The following AKAP6 variants were observed in gnomAD, a reference collection of about 807,000 sequenced individuals.
AKAP6 encodes the protein A-kinase anchoring protein 6.
A neutral mutation model predicts 188.5 loss-of-function variants in AKAP6; 58 were observed. That is an observed-to-expected ratio of 0.31 (90% confidence interval 0.25 to 0.38). AKAP6 has a LOEUF of 0.38. AKAP6 is among the 10% of genes least tolerant of loss of function. The pLI, the probability that AKAP6 is intolerant of heterozygous loss-of-function variation, is 1.00. For missense variants in AKAP6, 2,710 were observed against 2,740.0 expected (o/e 0.99, Z 0.24); for synonymous variants, 989 against 998.6 (o/e 0.99, Z 0.18).
intron 2 of AKAP6, among the ~76,000 whole-genome samples, chr14:32,462,692 C>T (rs530369445): frequency 9.2e-5 from 14 of 152,022 alleles, no homozygotes; most frequent in Non-Finnish European, 1.5e-4. Flanking sequence ...AACCAGCTAG[C>T]GTCATGATGA....
At chr14:32,809,463 C>G (rs532789001) in intron 12 of AKAP6, among the ~76,000 whole-genome samples, 1 of 152,192 alleles carries the variant, frequency 6.6e-6, no homozygotes, top group East Asian at 1.9e-4. Context: ...ACCCAGCAAG[C>G]CTCCTTATTG....
At chr14:32,398,280 G>A (rs1566482431) in intron 1 of AKAP6, among the ~76,000 whole-genome samples, 1 of 152,234 alleles carries the variant, frequency 6.6e-6, no homozygotes, top group Non-Finnish European at 1.5e-5. Flanking sequence ...AGGAAATTGT[G>A]TGTGTGGGGC....
chr14:32,800,366 C>T (rs974745795), intron 12 of AKAP6, among the ~76,000 whole-genome samples: 1 of 151,522 alleles, frequency 6.6e-6, no homozygotes, highest in Non-Finnish European at 1.5e-5. Flanking sequence ...CCTACCATTG[C>T]AGTCCAGCCT....
intron 11 of AKAP6, among the ~76,000 whole-genome samples, chr14:32,746,948 C>T (rs1232521267): frequency 6.6e-6 from 1 of 152,046 alleles, no homozygotes; most frequent in South Asian, 2.1e-4. Flanking sequence ...AAAAGGATTT[C>T]AAATTAACAA....
chr14:32,360,390 G>A (rs1193575102), intron 1 of AKAP6, among the ~76,000 whole-genome samples: 2 of 152,122 alleles, frequency 1.3e-5, no homozygotes, highest in South Asian at 4.1e-4. Flanking sequence ...GCCTCTCAAA[G>A]TGCTGGGATT....
chr14:32,676,305 ATTG>A (rs1042251534), intron 7 of AKAP6, among the ~76,000 whole-genome samples: 11 of 152,032 alleles, frequency 7.2e-5, no homozygotes, highest in African/African-American at 2.7e-4. Context: ...TGTGTTTCTG[ATTG>A]TTGACTCTTT....
intron 7 of AKAP6, among the ~76,000 whole-genome samples, chr14:32,628,480 T>C (rs1310045751): frequency 6.6e-6 from 1 of 152,098 alleles, no homozygotes; most frequent in Non-Finnish European, 1.5e-5. Context: ...AGTCTTCTAT[T>C]AGAATTAGGG....
intron 2 of AKAP6, among the ~76,000 whole-genome samples, chr14:32,511,844 C>A (rs1424946775): frequency 6.6e-6 from 1 of 152,024 alleles, no homozygotes; most frequent in Non-Finnish European, 1.5e-5. Flanking sequence ...AAAATTTTAT[C>A]TTTAATAGTG....
chr14:32,644,798 T>C lies in AKAP6; in HGVS notation c.2731-33513T>C, dbSNP rs113469899. 5.1e-3 allele frequency among the ~76,000 whole-genome samples: 778 copies of C among 152,308 alleles called. 12 individuals are homozygous for C. Among genetic ancestry groups the C allele is most frequent in the African/African-American group, 0.017 (725 of 41,578 alleles). Reference sequence around the variant, plus strand: ...ATTTATTTTTGTCCTTCTCAATTAATGTCCCTGATTGCATTCACAAAGAGC... The same window carrying C: ...ATTTATTTTTGTCCTTCTCAATTAACGTCCCTGATTGCATTCACAAAGAGC... On this transcript the variant is annotated intron_variant, in intron 7 of 13. Coordinates refer to ENST00000280979, the MANE Select transcript of AKAP6 (RefSeq NM_004274.5).
chr14:32,516,685 A>G (rs1881538253), intron 2 of AKAP6, among the ~76,000 whole-genome samples: 1 of 152,230 alleles, frequency 6.6e-6, no homozygotes, highest in Admixed American at 6.5e-5. Flanking sequence ...GATATACTAT[A>G]GAAGATATTA....
chr14:32,649,819 C>T (rs1034813202), intron 7 of AKAP6, among the ~76,000 whole-genome samples: 1 of 152,070 alleles, frequency 6.6e-6, no homozygotes, highest in African/African-American at 2.4e-5. Context: ...GATCACTAAG[C>T]TAGATTTGCA....
chr14:32,643,282 C>T (rs892629388), intron 7 of AKAP6, among the ~76,000 whole-genome samples: 2 of 151,838 alleles, frequency 1.3e-5, no homozygotes, highest in African/African-American at 4.8e-5. Flanking sequence ...TTTGCCTCTC[C>T]TTCTTCATTT....
chr14:32,448,969 C>G (rs916668405), intron 2 of AKAP6, among the ~76,000 whole-genome samples: 20 of 152,006 alleles, frequency 1.3e-4, no homozygotes, highest in African/African-American at 4.8e-4. Context: ...AAGATAGATA[C>G]CTGGATTCTT....
At chr14:32,755,641 C>G (rs183020104) in intron 11 of AKAP6, among the ~76,000 whole-genome samples, 1 of 152,020 alleles carries the variant, frequency 6.6e-6, no homozygotes, top group South Asian at 2.1e-4. Flanking sequence ...GTTCCCTCCA[C>G]CTTAGCCTCC....
chr14:32,364,945 G>C (rs1310051134), intron 1 of AKAP6, among the ~76,000 whole-genome samples: 1 of 152,126 alleles, frequency 6.6e-6, no homozygotes, highest in Non-Finnish European at 1.5e-5. Context: ...GTTAATAATA[G>C]AATCAGGGAA....
intron 1 of AKAP6, among the ~76,000 whole-genome samples, chr14:32,352,130 T>TGC (rs1887306282): frequency 1.4e-5 from 2 of 146,508 alleles, no homozygotes; most frequent in Non-Finnish European, 3.0e-5. Context: ...TGTGTGTGTG[T>TGC]GTGTGAAGGG....
Position 32,665,522 on chromosome 14 carries a change from A to G in AKAP6, c.2731-12789A>G, listed in dbSNP as rs140621244. On this transcript the variant is annotated intron_variant, in intron 7 of 13. Transcript: ENST00000280979. ...TTCCTGGGCGTGTCACCCTCCAGTA[A>G]CCTCCATGTGTTCAGCTATCTGGAA... 6.2e-4 allele frequency among the ~76,000 whole-genome samples: 95 copies of G among 152,190 alleles called. 1 individual carries two copies. In the East Asian group the frequency reaches 0.018, roughly 28 times the overall value.
At chr14:32,475,388 C>T (rs561513826) in intron 2 of AKAP6, among the ~76,000 whole-genome samples, 77 of 152,310 alleles carry the variant, frequency 5.1e-4, no homozygotes, top group African/African-American at 1.7e-3. Context: ...ACAGCTGATT[C>T]AGGCATCCCC....
chr14:32,388,855 T>G (rs375268542), intron 1 of AKAP6, among the ~76,000 whole-genome samples: 13 of 152,318 alleles, frequency 8.5e-5, no homozygotes, highest in African/African-American at 3.1e-4. Flanking sequence ...GTTCTGTATA[T>G]ATCTGTTAAG....
Sources: gnomAD v4.1 joint callset for allele counts (sites outside exome capture counted in the v4.1 genomes callset) on GRCh38, gnomAD v4.1.1 for gene constraint, MANE v1.5 for transcripts, NCBI Gene and HGNC (gene_info 2026-07-23, HGNC 2026-07-21) for gene names.